The following ADAMTS3 variants were observed in gnomAD, a reference collection of about 807,000 sequenced individuals.
The protein encoded by ADAMTS3 is ADAM metallopeptidase with thrombospondin type 1 motif 3.
Under a neutral mutation model 129.0 loss-of-function variants are expected in ADAMTS3, and 73 were observed. The observed-to-expected ratio is 0.57, with a 90% CI of 0.47 to 0.69. The LOEUF (loss-of-function observed/expected upper bound fraction) is 0.69. Ranked by LOEUF, ADAMTS3 falls within the 30% of genes least tolerant of loss-of-function variation. The pLI is 0.00. For synonymous variants in ADAMTS3, 477 were observed against 510.8 expected (o/e 0.93, Z 0.89); for missense variants, 1,457 against 1,514.5 (o/e 0.96, Z 0.63).
intron 3 of ADAMTS3, among the ~76,000 whole-genome samples, chr4:72,443,306 C>T (rs1003018816): frequency 5.9e-5 from 9 of 151,596 alleles, no homozygotes; most frequent in South Asian, 2.1e-4. Flanking sequence ...TATAATTATG[C>T]GTTCATTCAT....
At chr4:72,363,119 C>T (rs1472308778) in intron 4 of ADAMTS3, among the ~76,000 whole-genome samples, 1 of 151,862 alleles carries the variant, frequency 6.6e-6, no homozygotes, top group African/African-American at 2.4e-5. Flanking sequence ...AAAATAGTAG[C>T]ATAAAATTGC....
chr4:72,326,153 T>C (rs1448109670), intron 5 of ADAMTS3, among the ~76,000 whole-genome samples: 3 of 152,160 alleles, frequency 2.0e-5, no homozygotes, highest in Non-Finnish European at 4.4e-5. Flanking sequence ...GCACACATTT[T>C]GAGATTCACA....
At chr4:72,287,259 AT>A (rs1001808447) in intron 21 of ADAMTS3, among the ~76,000 whole-genome samples, 12 of 151,512 alleles carry the variant, frequency 7.9e-5, no homozygotes, top group South Asian at 2.1e-4. Flanking sequence ...CTGAGCAATA[AT>A]TTTTTTTTAA....
intron 4 of ADAMTS3, among the ~76,000 whole-genome samples, chr4:72,375,560 A>G (rs1198338149): frequency 3.3e-5 from 5 of 152,186 alleles, no homozygotes; most frequent in African/African-American, 1.2e-4. Flanking sequence ...GATTCAGTGT[A>G]TGGAGTCAGG....
chr4:72,408,703 A>C (rs1309579502), intron 4 of ADAMTS3, among the ~76,000 whole-genome samples: 1 of 149,896 alleles, frequency 6.7e-6, no homozygotes, highest in Non-Finnish European at 1.5e-5. Flanking sequence ...TGTACCTGGA[A>C]AAAAAAAAAA....
intron 3 of ADAMTS3, among the ~76,000 whole-genome samples, chr4:72,547,836 T>C (rs1406718250): frequency 6.6e-6 from 1 of 152,212 alleles, no homozygotes; most frequent in Admixed American, 6.5e-5. Context: ...AGCCTGACTA[T>C]TGGTATTTGT....
chr4:72,338,240 T>G (rs912404060), intron 5 of ADAMTS3, among the ~76,000 whole-genome samples: 2 of 152,106 alleles, frequency 1.3e-5, no homozygotes, highest in African/African-American at 4.8e-5. Context: ...AGCAAAAAGT[T>G]AATAGTCAAA....
At chr4:72,481,176 T>C (rs934540301) in intron 3 of ADAMTS3, among the ~76,000 whole-genome samples, 5 of 152,176 alleles carry the variant, frequency 3.3e-5, no homozygotes, top group Non-Finnish European at 5.9e-5. Flanking sequence ...ACTCAAGCAA[T>C]ATTTTTCATA....
chr4:72,539,067 A>G (rs1578776899), intron 3 of ADAMTS3, among the ~76,000 whole-genome samples: 1 of 152,266 alleles, frequency 6.6e-6, no homozygotes, highest in South Asian at 2.1e-4. Flanking sequence ...ACTCTTGTTA[A>G]AAAATATATA....
At position 72,382,023 on chromosome 4, in the gene ADAMTS3, C is replaced by T. The variant is rs1403674160; in HGVS notation, c.661+32792G>A. On this transcript the variant is annotated intron_variant, in intron 4 of 21. Coordinates refer to ENST00000286657, the MANE Select transcript of ADAMTS3 (RefSeq NM_014243.3). ...ACTCCTTCTGCACATGTCAGTACAGCGAAGTGCTATGGTGGCAGTAATTGA... is the reference window on the plus strand; with the variant it reads ...ACTCCTTCTGCACATGTCAGTACAGTGAAGTGCTATGGTGGCAGTAATTGA... 3.3e-5 allele frequency among the ~76,000 whole-genome samples: 5 copies of T among 152,016 alleles called. No homozygotes were observed. The South Asian group carries it at 6.2e-4, about 19-fold the overall frequency.
chr4:72,416,409 A>G (rs949946362), intron 3 of ADAMTS3, among the ~76,000 whole-genome samples: 9 of 151,916 alleles, frequency 5.9e-5, no homozygotes, highest in Non-Finnish European at 1.2e-4. Flanking sequence ...TGATGTGCAC[A>G]TACAAACAGC....
At chr4:72,384,637 G>A (rs932127790) in intron 4 of ADAMTS3, among the ~76,000 whole-genome samples, 1 of 152,078 alleles carries the variant, frequency 6.6e-6, no homozygotes, top group African/African-American at 2.4e-5. Context: ...AAATTATGAT[G>A]TAAAGCAGAA....
chr4:72,346,758 C>T (rs60802890), intron 4 of ADAMTS3, among the ~76,000 whole-genome samples: 5,909 of 151,992 alleles, frequency 0.039, 373 homozygotes, highest in African/African-American at 0.13. Context: ...AATGAAAATG[C>T]TATAGTTTTA....
At chr4:72,390,029 G>A (rs962039003) in intron 4 of ADAMTS3, among the ~76,000 whole-genome samples, 5 of 152,144 alleles carry the variant, frequency 3.3e-5, no homozygotes, top group South Asian at 4.1e-4. Flanking sequence ...GAGGGGAAGC[G>A]GAACTGGGAA....
chr4:72,494,447 T>A (rs1270136510), intron 3 of ADAMTS3, among the ~76,000 whole-genome samples: 3 of 152,188 alleles, frequency 2.0e-5, no homozygotes, highest in Non-Finnish European at 4.4e-5. Flanking sequence ...TATGTCTTTG[T>A]TGAACTTCTT....
intron 3 of ADAMTS3, among the ~76,000 whole-genome samples, chr4:72,459,700 T>C (rs1718712306): frequency 6.6e-6 from 1 of 151,408 alleles, no homozygotes; most frequent in African/African-American, 2.4e-5. Context: ...TATCTAAGGG[T>C]TACATAACCA....
intron 3 of ADAMTS3, among the ~76,000 whole-genome samples, chr4:72,422,193 A>G (rs949747913): frequency 1.6e-4 from 24 of 152,204 alleles, no homozygotes; most frequent in Non-Finnish European, 2.2e-4. Context: ...TAGAAGTGTC[A>G]TGCCTACAAT....
chr4:72,403,470 A>AT (rs1246057232), intron 4 of ADAMTS3, among the ~76,000 whole-genome samples: 2 of 151,338 alleles, frequency 1.3e-5, no homozygotes, highest in African/African-American at 4.9e-5. Context: ...ATGGAAAAAA[A>AT]ATAAGAGTCA....
At chr4:72,559,064 G>A (rs6854590) in intron 2 of ADAMTS3, among the ~76,000 whole-genome samples, 141,437 of 151,484 alleles carry the variant, frequency 0.93, 67,084 homozygotes, top group East Asian at 1. Context: ...AACCAATACA[G>A]AGGAAAAATG....
Sources: allele counts gnomAD v4.1 joint callset (sites outside exome capture counted in the v4.1 genomes callset), GRCh38; gene constraint gnomAD v4.1.1; transcripts MANE v1.5; gene names NCBI Gene and HGNC (gene_info 2026-07-23, HGNC 2026-07-21).